The following GALNT17 variants were observed in gnomAD, a reference collection of about 807,000 sequenced individuals.
GALNT17 encodes polypeptide N-acetylgalactosaminyltransferase 17, also known as UDP-GalNAc:polypeptide N-acetylgalactosaminyltransferase-like 3.
GALNT17 carries 29 observed loss-of-function variants against 63.7 expected under a neutral mutation model. The ratio of observed to expected loss-of-function variants is 0.46; its 90% confidence interval spans 0.34 to 0.62. GALNT17 has a LOEUF of 0.62. Among genes scored for constraint, GALNT17 ranks in the 20% least tolerant of loss-of-function variants. GALNT17 has a pLI of 0.01. For missense variants in GALNT17, 603 were observed against 799.6 expected, an observed-to-expected ratio of 0.75 and a Z score of 2.97; for synonymous variants, 305 against 318.3, an observed-to-expected ratio of 0.96 and a Z score of 0.45.
rs141853965 is a variant in GALNT17, at chr7:71,583,989, G to A, written c.1080+12587G>A. 7.2e-4 allele frequency among the ~76,000 whole-genome samples: 109 copies of A among 152,012 alleles called. 1 individual carries two copies. The East Asian group carries it at 0.016, about 23-fold the overall frequency. On this transcript the variant is annotated intron_variant, in intron 6 of 10. Transcript: ENST00000333538. The stretch of plus-strand genomic sequence containing the variant: ...AAAAAAAAAATACAAAAAATTAGCC[G>A]GGCGTGGTGGCACGCGCCTATAATC...
chr7:71,238,904 C>CT (rs763994435), intron 1 of GALNT17, among the ~76,000 whole-genome samples: 7 of 152,190 alleles, frequency 4.6e-5, no homozygotes, highest in Non-Finnish European at 8.8e-5. Context: ...CTCTCTCCGT[C>CT]TCTCATGTCA....
At chr7:71,140,063 C>G (rs995916146) in intron 1 of GALNT17, among the ~76,000 whole-genome samples, 2 of 152,132 alleles carry the variant, frequency 1.3e-5, no homozygotes, top group Non-Finnish European at 2.9e-5. Context: ...GAAAGCATCT[C>G]CGTTCATTAA....
chr7:71,514,207 C>T (rs1788410612), intron 5 of GALNT17, among the ~76,000 whole-genome samples: 1 of 151,986 alleles, frequency 6.6e-6, no homozygotes, highest in South Asian at 2.1e-4. Flanking sequence ...AAAGCAACAC[C>T]ACCAACAAAA....
At chr7:71,525,030 T>C (rs887676786) in intron 5 of GALNT17, among the ~76,000 whole-genome samples, 26 of 152,338 alleles carry the variant, frequency 1.7e-4, no homozygotes, top group African/African-American at 6.3e-4. Context: ...TTTTATCTTC[T>C]CTGGTGATTT....
intron 3 of GALNT17, among the ~76,000 whole-genome samples, chr7:71,396,119 T>TA (rs1229724596): frequency 1.3e-5 from 2 of 152,190 alleles, no homozygotes; most frequent in Non-Finnish European, 2.9e-5. Flanking sequence ...TTAATTTTGA[T>TA]AAAGTCCAGT....
At chr7:71,639,847 G>C (rs1473551551) in intron 6 of GALNT17, among the ~76,000 whole-genome samples, 2 of 150,584 alleles carry the variant, frequency 1.3e-5, no homozygotes, top group Non-Finnish European at 2.9e-5. Flanking sequence ...CTCTTTCAGA[G>C]GGGGGTGAGC....
intron 1 of GALNT17, among the ~76,000 whole-genome samples, chr7:71,288,215 CAAAAAAAAA>C (rs59555320): frequency 1.2e-5 from 1 of 83,842 alleles, no homozygotes; most frequent in Non-Finnish European, 2.1e-5. Flanking sequence ...GACTCCATCT[CAAAAAAAAA>C]AAAAAAAAAA....
intron 5 of GALNT17, among the ~76,000 whole-genome samples, chr7:71,492,375 G>T (rs1162574462): frequency 6.6e-6 from 1 of 152,196 alleles, no homozygotes; most frequent in Non-Finnish European, 1.5e-5. Context: ...CTCTGTGCCT[G>T]TTTTAGGTTC....
At chr7:71,141,763 G>A (rs913315329) in intron 1 of GALNT17, among the ~76,000 whole-genome samples, 2 of 148,016 alleles carry the variant, frequency 1.4e-5, no homozygotes, top group Admixed American at 1.4e-4. Flanking sequence ...TGCAAACTCT[G>A]CCTCATGGGT....
At chr7:71,346,641 G>T (rs917040626) in intron 2 of GALNT17, among the ~76,000 whole-genome samples, 1 of 151,866 alleles carries the variant, frequency 6.6e-6, no homozygotes, top group Non-Finnish European at 1.5e-5. Context: ...CTAACCTTCT[G>T]TGTCTGCAGA....
intron 1 of GALNT17, among the ~76,000 whole-genome samples, chr7:71,292,861 C>A (rs1249295757): frequency 2.0e-5 from 3 of 152,124 alleles, no homozygotes; most frequent in Non-Finnish European, 4.4e-5. Context: ...TCACCCCATT[C>A]TTCCCTCCCC....
chr7:71,252,239 A>C (rs979318934), intron 1 of GALNT17, among the ~76,000 whole-genome samples: 39 of 143,352 alleles, frequency 2.7e-4, no homozygotes, highest in Non-Finnish European at 5.3e-4. Context: ...AAAAAAAAAA[A>C]GATGAGGCCG....
At chr7:71,374,336 G>A (rs746176071) in intron 2 of GALNT17, among the ~76,000 whole-genome samples, 9 of 152,206 alleles carry the variant, frequency 5.9e-5, no homozygotes, top group Admixed American at 1.3e-4. Context: ...GAAACAGAAT[G>A]AGATAATGTA....
intron 1 of GALNT17, among the ~76,000 whole-genome samples, chr7:71,167,903 CAG>C (rs1788472101): frequency 6.6e-6 from 1 of 152,158 alleles, no homozygotes; most frequent in South Asian, 2.1e-4. Context: ...CTACTGACCT[CAG>C]GGGATTCACC....
intron 5 of GALNT17, among the ~76,000 whole-genome samples, chr7:71,522,540 T>G (rs1384721431): frequency 6.6e-6 from 1 of 152,114 alleles, no homozygotes; most frequent in East Asian, 1.9e-4. Flanking sequence ...CATCAGATCT[T>G]GTGAGACTTA....
intron 5 of GALNT17, among the ~76,000 whole-genome samples, chr7:71,496,307 C>G (rs1258150659): frequency 6.6e-6 from 1 of 151,906 alleles, no homozygotes; most frequent in Non-Finnish European, 1.5e-5. Context: ...TTTGTGCTGG[C>G]TCAAAGCATC....
intron 2 of GALNT17, among the ~76,000 whole-genome samples, chr7:71,387,868 A>G (rs1792975437): frequency 6.6e-6 from 1 of 152,118 alleles, no homozygotes. Context: ...CCTCCAAAAT[A>G]AACTACTTGC....
chr7:71,624,985 A>G (rs926819550), intron 6 of GALNT17, among the ~76,000 whole-genome samples: 1 of 152,174 alleles, frequency 6.6e-6, no homozygotes, highest in Non-Finnish European at 1.5e-5. Context: ...GTGAAAGTGA[A>G]TAAGGCAAGT....
At chr7:71,350,061 A>G (rs1373976829) in intron 2 of GALNT17, among the ~76,000 whole-genome samples, 2 of 152,206 alleles carry the variant, frequency 1.3e-5, no homozygotes, top group Non-Finnish European at 2.9e-5. Context: ...TGCCTCACAG[A>G]GTCTGGTCAG....
Sources: gnomAD v4.1 joint callset for allele counts (sites outside exome capture counted in the v4.1 genomes callset) on GRCh38, gnomAD v4.1.1 for gene constraint, MANE v1.5 for transcripts, NCBI Gene and HGNC (gene_info 2026-07-23, HGNC 2026-07-21) for gene names.